SERINC5: variants seen among roughly 807,000 people sequenced by gnomAD.
SERINC5 encodes chromosome 5 open reading frame 12.
SERINC5 carries 41 observed loss-of-function variants against 63.1 expected under a neutral mutation model. The ratio of observed to expected loss-of-function variants is 0.65; its 90% CI spans 0.51 to 0.84. The LOEUF (loss-of-function observed/expected upper bound fraction) is 0.84. Ranked by LOEUF, SERINC5 falls within the 40% of genes least tolerant of loss-of-function variation. SERINC5 has a pLI of 0.00. For synonymous variants in SERINC5, 222 were observed against 215.2 expected (o/e 1.03, Z -0.28); for missense variants, 523 against 573.0 (o/e 0.91, Z 0.89).
chr5:80,199,437 T>C lies in SERINC5; in HGVS notation c.195+3449A>G, dbSNP rs541338122. On this transcript the variant is annotated intron_variant, in intron 2 of 11. Coordinates refer to ENST00000507668, the MANE Select transcript of SERINC5 (RefSeq NM_001174072.3). ...CATGGTATCACTCAATAATTAGCTA[T>C]TGAAATAGTTATTATTACTCATACA... Among the ~76,000 whole-genome samples the C allele has an allele frequency of 3.9e-5, 6 of 152,316 alleles. No individual in the cohort carries two copies. In the East Asian group the frequency reaches 5.8e-4, roughly 15 times the overall value.
Position 80,161,719 on chromosome 5 carries a change from T to C in SERINC5, c.860-2757A>G, listed in dbSNP as rs538982875. On this transcript the variant is annotated intron_variant, in intron 7 of 11. Coordinates refer to ENST00000507668, the MANE Select transcript of SERINC5 (RefSeq NM_001174072.3). The stretch of plus-strand genomic sequence containing the variant: ...GCTAATTAGATTAACATAGTTCCAT[T>C]TGTCTGGTTTTGTTTTTGTTGTCTG... Among the ~76,000 whole-genome samples the C allele has an allele frequency of 3.9e-5, 6 of 152,328 alleles. No homozygotes were observed. In the East Asian group the frequency reaches 1.2e-3, roughly 29 times the overall value.
At chr5:80,166,688 C>T (rs1747325169) in intron 6 of SERINC5, 2 of 429,066 alleles carry the variant, frequency 4.7e-6, no homozygotes, top group South Asian at 4.8e-5. Context: ...AACATTGCTA[C>T]TTCAAAGACA....
chr5:80,222,172 T>C (rs1027779404), intron 1 of SERINC5, among the ~76,000 whole-genome samples: 5 of 151,794 alleles, frequency 3.3e-5, no homozygotes, highest in Non-Finnish European at 7.4e-5. Flanking sequence ...ATAGCTTTAA[T>C]AAAAATGGTC....
chr5:80,152,608 T>C (rs975102132), intron 8 of SERINC5, among the ~76,000 whole-genome samples: 2 of 152,200 alleles, frequency 1.3e-5, no homozygotes, highest in Non-Finnish European at 2.9e-5. Context: ...GATCACTATC[T>C]GAAATTTTCA....
chr5:80,237,924 G>A (rs1453863992), intron 1 of SERINC5, among the ~76,000 whole-genome samples: 3 of 151,634 alleles, frequency 2.0e-5, no homozygotes, highest in African/African-American at 4.8e-5. Flanking sequence ...CCAACATGGT[G>A]AAACCCCATC....
intron 1 of SERINC5, among the ~76,000 whole-genome samples, chr5:80,245,710 G>T (rs1016709486): frequency 6.6e-6 from 1 of 151,898 alleles, no homozygotes; most frequent in African/African-American, 2.4e-5. Context: ...AGCCTCCCAT[G>T]TTCATGCAAT....
chr5:80,150,937 G>T lies in SERINC5; in HGVS notation c.998C>A (p.Thr333Lys). 3 of 1,613,010 alleles carry T rather than the reference G, an allele frequency of 1.9e-6. No homozygotes were observed. The highest frequency in any genetic ancestry group is 2.5e-6 in the Non-Finnish European group (3 of 1,179,002). Residue 333 changes from threonine (T) to lysine (K), a missense_variant, in exon 9 of 12, where the codon ACA becomes AAA. Transcript: ENST00000507668. ...CAGAGCGTCAGAACTCGATCTTGTT[G>T]TTGATGTCAAACTAAGAAACAGACA... ...GCILYSCLTS[T>K]TRSSSDALQG...
chr5:80,252,980 T>C (rs1194572354), intron 1 of SERINC5, among the ~76,000 whole-genome samples: 1 of 152,252 alleles, frequency 6.6e-6, no homozygotes, highest in Non-Finnish European at 1.5e-5. Context: ...GCCATTTCCA[T>C]TAAATTTATA....
chr5:80,246,042 G>C (rs914656154), intron 1 of SERINC5, among the ~76,000 whole-genome samples: 1 of 150,092 alleles, frequency 6.7e-6, no homozygotes, highest in Admixed American at 6.7e-5. Flanking sequence ...TAGGGATAAG[G>C]CTAGCAAAGC....
chr5:80,240,495 C>T (rs1237234410), intron 1 of SERINC5, among the ~76,000 whole-genome samples: 3 of 152,086 alleles, frequency 2.0e-5, no homozygotes, highest in Admixed American at 6.6e-5. Flanking sequence ...AAATTTTCCC[C>T]GTGAGACCTG....
downstream of SERINC5, among the ~76,000 whole-genome samples, chr5:80,138,511 G>A (rs771486387): frequency 4.6e-5 from 7 of 151,936 alleles, no homozygotes; most frequent in Admixed American, 1.3e-4. Flanking sequence ...CAAGAGAATC[G>A]CTTGAGCCTG....
At chr5:80,220,892 C>A (rs779150851) in intron 1 of SERINC5, among the ~76,000 whole-genome samples, 1 of 151,872 alleles carries the variant, frequency 6.6e-6, no homozygotes, top group East Asian at 1.9e-4. Flanking sequence ...TTGGGAGGAG[C>A]GTGGATGTAT....
intron 1 of SERINC5, among the ~76,000 whole-genome samples, chr5:80,228,524 T>C (rs972950024): frequency 1.3e-5 from 2 of 152,078 alleles, no homozygotes; most frequent in Non-Finnish European, 2.9e-5. Context: ...GGTCCAACCA[T>C]AGCTCTTTGG....
chr5:80,238,710 A>T (rs1751818729), intron 1 of SERINC5, among the ~76,000 whole-genome samples: 1 of 148,978 alleles, frequency 6.7e-6, no homozygotes, highest in Admixed American at 6.8e-5. Context: ...TGAACCCTGG[A>T]GACAGAGGGT....
At chr5:80,219,358 C>A (rs1168400686) in intron 1 of SERINC5, among the ~76,000 whole-genome samples, 1 of 152,200 alleles carries the variant, frequency 6.6e-6, no homozygotes, top group Non-Finnish European at 1.5e-5. Flanking sequence ...TCACAGTTAA[C>A]TTTAGCCTTC....
intron 9 of SERINC5, among the ~76,000 whole-genome samples, chr5:80,148,189 C>CTTTTT (rs796769914): frequency 1.4e-4 from 14 of 102,334 alleles, no homozygotes; most frequent in African/African-American, 4.6e-4. Context: ...ATTTTTTATT[C>CTTTTT]TTTTTTTTTT....
chr5:80,198,764 G>A, intron 2 of SERINC5: 1 of 934,008 alleles, frequency 1.1e-6, no homozygotes, highest in Non-Finnish European at 1.3e-6. Context: ...TTTGTGGCCA[G>A]ATGGCCAGCT....
chr5:80,174,591 T>C (rs931830392), intron 5 of SERINC5, among the ~76,000 whole-genome samples: 1 of 151,840 alleles, frequency 6.6e-6, no homozygotes, highest in Non-Finnish European at 1.5e-5. Context: ...TAGATTCTTA[T>C]AAGCAAGAGT....
chr5:80,167,618 T>G lies in SERINC5; in HGVS notation c.764-1140A>C, dbSNP rs914598405. Among the ~76,000 whole-genome samples, 5 of 152,318 alleles carry G rather than the reference T, an allele frequency of 3.3e-5. No individual in the cohort carries two copies. The East Asian group carries it at 9.6e-4, about 29-fold the overall frequency. ...ATTGCTGGACCTAATGATAGTTTTG[T>G]TTTTAGGTCTTTGAGGAATTGCCAC... On this transcript the variant is annotated intron_variant, in intron 6 of 11. Transcript: ENST00000507668.
Sources: allele counts gnomAD v4.1 joint callset (sites outside exome capture counted in the v4.1 genomes callset), GRCh38; gene constraint gnomAD v4.1.1; transcripts MANE v1.5; gene names NCBI Gene and HGNC (gene_info 2026-07-23, HGNC 2026-07-21).